The following SGSM1 variants were observed in gnomAD, a reference collection of about 807,000 sequenced individuals.
The protein encoded by SGSM1 is RUN and TBC1 domain containing 2.
A neutral mutation model predicts 133.8 loss-of-function variants in SGSM1; 73 were observed. That is an observed-to-expected ratio of 0.55 (90% CI 0.45 to 0.66). The LOEUF (loss-of-function observed/expected upper bound fraction) is 0.66, where lower values mean the gene tolerates loss of function less well. Ranked by LOEUF, SGSM1 falls within the 30% of genes least tolerant of loss-of-function variation. The probability of loss-of-function intolerance (pLI) is 0.00; values close to 1 mark genes in which losing one functional copy is unlikely to be tolerated. For missense variants in SGSM1, 1,213 were observed against 1,448.1 expected, an observed-to-expected ratio of 0.84 and a Z score of 2.64; for synonymous variants, 563 against 573.0, an observed-to-expected ratio of 0.98 and a Z score of 0.25.
intron 2 of SGSM1, among the ~76,000 whole-genome samples, chr22:24,834,041 G>A (rs1196061677): frequency 6.6e-6 from 1 of 152,248 alleles, no homozygotes; most frequent in Admixed American, 6.5e-5. Context: ...GGGCCCAGTA[G>A]CCTCTGCTCA....
At chr22:24,846,986 G>A (rs913495923) in intron 3 of SGSM1, among the ~76,000 whole-genome samples, 4 of 151,910 alleles carry the variant, frequency 2.6e-5, no homozygotes, top group Admixed American at 1.3e-4. Context: ...GACTACAGGC[G>A]GCCGCCCCCA....
intron 17 of SGSM1, among the ~76,000 whole-genome samples, chr22:24,894,557 C>T (rs1021310432): frequency 3.9e-5 from 6 of 152,256 alleles, no homozygotes; most frequent in East Asian, 1.9e-4. Context: ...CTGGGCTAGG[C>T]GAGGCTTATT....
intron 5 of SGSM1, among the ~76,000 whole-genome samples, chr22:24,851,100 C>CAAAAA (rs68153757): frequency 1.0e-5 from 1 of 95,802 alleles, no homozygotes; most frequent in Non-Finnish European, 2.5e-5. Flanking sequence ...GACTCCATCT[C>CAAAAA]AAAAAAAAAA....
At chr22:24,809,702 G>T (rs981943423) in intron 2 of SGSM1, among the ~76,000 whole-genome samples, 13 of 152,192 alleles carry the variant, frequency 8.5e-5, no homozygotes, top group African/African-American at 3.1e-4. Flanking sequence ...GCAGGGACAG[G>T]CCCCTTGTAG....
chr22:24,829,917 A>G (rs1196894361), intron 2 of SGSM1, among the ~76,000 whole-genome samples: 1 of 152,136 alleles, frequency 6.6e-6, no homozygotes, highest in Non-Finnish European at 1.5e-5. Flanking sequence ...TCAGCTTTCA[A>G]AGTGGATCAA....
intron 16 of SGSM1, among the ~76,000 whole-genome samples, chr22:24,889,161 C>T (rs1286455075): frequency 6.6e-6 from 1 of 151,916 alleles, no homozygotes; most frequent in Admixed American, 6.6e-5. Flanking sequence ...GGGGTTTCAC[C>T]ATGTTGGCCA....
Position 24,912,742 on chromosome 22 carries a change from C to A in SGSM1, c.2918C>A (p.Ser973Ter), listed in dbSNP as rs1274533726. 6.2e-7 allele frequency: 1 copy of A among 1,611,140 alleles called. No individual in the cohort carries two copies. ...AMDTHFANMR[S>*]LIQILDSELF... ...GACACGCACTTTGCAAACATGAGATCGTTGATCCAGGTATGACCCAGCATC... is the reference window on the plus strand; with the variant it reads ...GACACGCACTTTGCAAACATGAGATAGTTGATCCAGGTATGACCCAGCATC... The change falls in exon 22 of 25, where the codon TCG (serine) becomes TAG (stop). Residue 973 changes from serine (S) to a stop codon, truncating the protein, a stop_gained. Transcript: ENST00000400358. LOFTEE classifies it high-confidence loss of function.
At chr22:24,820,777 G>C (rs1928422251) in intron 2 of SGSM1, among the ~76,000 whole-genome samples, 1 of 152,348 alleles carries the variant, frequency 6.6e-6, no homozygotes, top group South Asian at 2.1e-4. Context: ...ACCAGACTCT[G>C]TGCTGGGCAT....
chr22:24,855,952 A>ACCATCTTTACATTCACCCATCCAC lies in SGSM1; in HGVS notation c.801+309_801+332dup, dbSNP rs1202403340. The ACCATCTTTACATTCACCCATCCAC allele has an allele frequency of 1.3e-5, 8 of 621,784 alleles. 1 individual carries two copies. The highest frequency in any genetic ancestry group is 8.0e-5 in the South Asian group (5 of 62,306). The allele number at this position is 621,784 out of a possible 1,614,324, so 38.5% of individuals were successfully genotyped here. A position where few individuals can be genotyped will look rare whatever the true frequency, so the allele number is the denominator to read the frequency against. On this transcript the variant is annotated intron_variant, in intron 8 of 24. Coordinates refer to ENST00000400358, the MANE Select transcript of SGSM1 (RefSeq NM_001098497.3). Reference sequence around the variant, plus strand: ...ACCCATCTTTACATCCATCTATCCAACCATCTTTACATTCACCCATCCACC... The same window carrying ACCATCTTTACATTCACCCATCCAC: ...ACCCATCTTTACATCCATCTATCCAACCATCTTTACATTCACCCATCCACCCATCTTTACATTCACCCATCCACC...
At chr22:24,883,924 G>T in intron 14 of SGSM1, 129 bp from the exon 15 acceptor site, 1 of 1,119,262 alleles carries the variant, frequency 8.9e-7, no homozygotes. Flanking sequence ...ATAAATAATA[G>T]AGCAAGACTC....
At chr22:24,897,112 G>T (rs904807765) in intron 18 of SGSM1, among the ~76,000 whole-genome samples, 1 of 152,074 alleles carries the variant, frequency 6.6e-6, no homozygotes, top group Non-Finnish European at 1.5e-5. Context: ...GGGCGTGGTG[G>T]CTCACGCCTG....
Position 24,859,698 on chromosome 22 carries a change from G to A in SGSM1, c.802-18G>A, listed in dbSNP as rs1569151504. On this transcript the variant is annotated intron_variant, in intron 8 of 24. Coordinates refer to ENST00000400358, the MANE Select transcript of SGSM1 (RefSeq NM_001098497.3). Reference sequence around the variant, plus strand: ...ACTCCAGCACCATGGCCAGACCTGAGTCCTCCTCTCTCTGCAGAGGGACGA... The same window carrying A: ...ACTCCAGCACCATGGCCAGACCTGAATCCTCCTCTCTCTGCAGAGGGACGA... The A allele has an allele frequency of 3.1e-6, 5 of 1,613,426 alleles. No homozygotes were observed. Among genetic ancestry groups the A allele is most frequent in the Non-Finnish European group, 4.2e-6 (5 of 1,179,794 alleles).
chr22:24,881,518 A>T (rs1932322819), intron 14 of SGSM1, among the ~76,000 whole-genome samples: 1 of 151,834 alleles, frequency 6.6e-6, no homozygotes, highest in Non-Finnish European at 1.5e-5. Context: ...GTGAGTTGAG[A>T]TCGCGCCACT....
At chr22:24,859,618 T>G (rs1931008438) in intron 8 of SGSM1, 98 bp from the exon 9 acceptor site, 1 of 1,529,878 alleles carries the variant, frequency 6.5e-7, no homozygotes, top group Non-Finnish European at 8.9e-7. Flanking sequence ...ACCCAACCTC[T>G]TAGTTCTGAT....
chr22:24,886,564 T>C (rs1318065426), intron 15 of SGSM1, 36 bp from the exon 16 acceptor site: 6 of 1,544,778 alleles, frequency 3.9e-6, no homozygotes, highest in Admixed American at 2.0e-5. Context: ...TGGTTTTCTG[T>C]TGACCAAACT....
chr22:24,884,086 G>C lies in SGSM1; in HGVS notation c.1529G>C (p.Arg510Thr). ...TACTGCAGACACCTGTCCACCGTGA[G>C]AACCCACCTATCAGCCCTGGTCAAT... Reference protein sequence around the residue: ...LAYCRHLSTVRTHLSALVNHM... With the variant: ...LAYCRHLSTVTTHLSALVNHM... The change falls in exon 15 of 25, where the codon AGA becomes ACA. Residue 510 changes from arginine to threonine, a missense_variant. By Grantham distance (71) the Arg-to-Thr change is moderately conservative. Coordinates refer to ENST00000400358, the MANE Select transcript of SGSM1 (RefSeq NM_001098497.3). The C allele has an allele frequency of 6.2e-7, 1 of 1,613,450 alleles. No individual in the cohort carries two copies. Among genetic ancestry groups the C allele is most frequent in the East Asian group, 2.2e-5 (1 of 44,872 alleles).
chr22:24,877,802 CT>C (rs36036968), intron 13 of SGSM1, among the ~76,000 whole-genome samples: 3,351 of 75,326 alleles, frequency 0.044, 21 homozygotes, highest in African/African-American at 0.12. Context: ...TTCTTTCTTT[CT>C]TTTTTTTTTT....
intron 2 of SGSM1, among the ~76,000 whole-genome samples, chr22:24,837,268 AG>A (rs1480473617): frequency 6.6e-6 from 1 of 152,208 alleles, no homozygotes; most frequent in Non-Finnish European, 1.5e-5. Context: ...TCCACTGGAC[AG>A]GGGGCCCTTC....
chr22:24,922,973 C>T (rs1482625535), intron 24 of SGSM1, among the ~76,000 whole-genome samples: 1 of 152,100 alleles, frequency 6.6e-6, no homozygotes, highest in Non-Finnish European at 1.5e-5. Context: ...ACTAAAAATA[C>T]AAAAATTAGC....
Sources: allele counts gnomAD v4.1 joint callset (sites outside exome capture counted in the v4.1 genomes callset), GRCh38; gene constraint gnomAD v4.1.1; transcripts MANE v1.5; gene names NCBI Gene and HGNC (gene_info 2026-07-23, HGNC 2026-07-21).